Variants in TTC28 observed in about 807,000 individuals in gnomAD.
The protein encoded by TTC28 is tetratricopeptide repeat domain 28.
In TTC28, 61 loss-of-function variants were observed where a neutral mutation model predicts 198.0. The observed-to-expected ratio is 0.31, with a 90% confidence interval of 0.25 to 0.38. The LOEUF (loss-of-function observed/expected upper bound fraction) is 0.38, where lower values mean the gene tolerates loss of function less well. TTC28 is among the 10% of genes least tolerant of loss of function. The pLI, the probability that TTC28 is intolerant of heterozygous loss-of-function variation, is 1.00. For missense variants in TTC28, 2,678 were observed against 3,164.0 expected, an observed-to-expected ratio of 0.85 and a Z score of 3.69; for synonymous variants, 1,171 against 1,297.8, an observed-to-expected ratio of 0.90 and a Z score of 2.10.
intron 2 of TTC28, among the ~76,000 whole-genome samples, chr22:28,320,703 A>G (rs566265086): frequency 6.6e-6 from 1 of 152,324 alleles, no homozygotes; most frequent in Admixed American, 6.5e-5. Flanking sequence ...TTGATTCTAA[A>G]TGTACCAAAA....
intron 2 of TTC28, among the ~76,000 whole-genome samples, chr22:28,591,060 T>C (rs1405466489): frequency 3.3e-5 from 4 of 122,758 alleles, no homozygotes; most frequent in African/African-American, 1.4e-4. Flanking sequence ...TATATATATA[T>C]ATATATATAT....
intron 5 of TTC28, among the ~76,000 whole-genome samples, chr22:28,263,445 GC>G (rs1230409625): frequency 6.6e-6 from 1 of 151,814 alleles, no homozygotes; most frequent in Non-Finnish European, 1.5e-5. Flanking sequence ...GGAATAGCAG[GC>G]AAAAAAAATT....
intron 5 of TTC28, among the ~76,000 whole-genome samples, chr22:28,193,287 C>G (rs555145686): frequency 6.6e-6 from 1 of 152,112 alleles, no homozygotes; most frequent in African/African-American, 2.4e-5. Flanking sequence ...CTGAAGGAAG[C>G]ACTAAACATG....
intron 2 of TTC28, among the ~76,000 whole-genome samples, chr22:28,447,279 T>C (rs2047717082): frequency 6.6e-6 from 1 of 152,062 alleles, no homozygotes; most frequent in South Asian, 2.1e-4. Context: ...ATTGTAAACC[T>C]AAAGATACAT....
intron 2 of TTC28, among the ~76,000 whole-genome samples, chr22:28,497,561 T>G (rs1403567252): frequency 6.6e-6 from 1 of 152,198 alleles, no homozygotes; most frequent in Non-Finnish European, 1.5e-5. Flanking sequence ...GTCTCAGGTA[T>G]CTAGATTTGT....
In TTC28 at chr22:28,346,458, T is replaced by C. The variant is rs572931517; in HGVS notation, c.382-39815A>G. ...GGAAAATTCCGAAAGCTAAGACAGG[T>C]GACACCAGCTCCAAACTCTCACTAG... is the stretch of plus-strand genomic sequence containing the variant. On this transcript the variant is annotated intron_variant, in intron 2 of 22. Coordinates refer to ENST00000397906, the MANE Select transcript of TTC28 (RefSeq NM_001145418.2). 8.5e-5 allele frequency among the ~76,000 whole-genome samples: 13 copies of C among 152,230 alleles called. No individual in the cohort carries two copies. In the South Asian group the frequency reaches 2.5e-3, roughly 29 times the overall value.
At chr22:28,631,995 A>T (rs1049152056) in intron 1 of TTC28, among the ~76,000 whole-genome samples, 7 of 152,194 alleles carry the variant, frequency 4.6e-5, no homozygotes, top group Non-Finnish European at 8.8e-5. Flanking sequence ...GATCAAGTCC[A>T]GTACCTCCAT....
intron 1 of TTC28, among the ~76,000 whole-genome samples, chr22:28,650,010 A>G (rs1467188674): frequency 1.3e-5 from 2 of 152,194 alleles, no homozygotes; most frequent in African/African-American, 2.4e-5. Context: ...CAAAACCACT[A>G]AAGGACCCTG....
intron 18 of TTC28, 159 bp downstream of exon 18, chr22:27,993,128 G>A: frequency 1.5e-6 from 1 of 661,862 alleles, no homozygotes; most frequent in Non-Finnish European, 2.5e-6. Context: ...CTCCAGGTGT[G>A]GAGATGCTTG....
chr22:28,340,635 T>C (rs1466046208), intron 2 of TTC28, among the ~76,000 whole-genome samples: 2 of 152,200 alleles, frequency 1.3e-5, no homozygotes, highest in Non-Finnish European at 2.9e-5. Flanking sequence ...AATGAACTTA[T>C]TGCCAAATGG....
chr22:28,024,309 C>A (rs896896777), intron 13 of TTC28, among the ~76,000 whole-genome samples: 4 of 152,162 alleles, frequency 2.6e-5, no homozygotes, highest in Non-Finnish European at 4.4e-5. Flanking sequence ...TGAGACAGTG[C>A]CTCAGGGGAA....
In TTC28 at chr22:27,999,228, G is replaced by T; in HGVS notation, c.4431C>A (p.Ser1477=). The T allele has an allele frequency of 1.3e-6, 2 of 1,550,904 alleles. No homozygotes were observed. The highest frequency in any genetic ancestry group is 1.7e-6 in the Non-Finnish European group (2 of 1,146,868). Residue 1477 remains serine, a synonymous_variant, in exon 16 of 23, where the codon TCC becomes TCA. Coordinates refer to ENST00000397906, the MANE Select transcript of TTC28 (RefSeq NM_001145418.2). ...SHLRKNPPTY[S]SSTSMAAVIG... is the part of the protein sequence containing the mutation. ...TGACAGCCGCCATGGATGTGGAGCT[G>T]GAGTATGTGGGCGGGTTCTTCCGTA... is the stretch of plus-strand genomic sequence containing the variant.
chr22:28,058,864 CT>C (rs2146729141), intron 12 of TTC28, among the ~76,000 whole-genome samples: 1 of 151,886 alleles, frequency 6.6e-6, no homozygotes, highest in South Asian at 2.1e-4. Context: ...TTCATTTCAT[CT>C]TAGTTGTCAA....
At chr22:28,062,395 G>A (rs531211791) in intron 12 of TTC28, among the ~76,000 whole-genome samples, 1 of 144,668 alleles carries the variant, frequency 6.9e-6, no homozygotes, top group Non-Finnish European at 1.5e-5. Context: ...TGTGCCCTGT[G>A]GATTGTTTTT....
chr22:28,072,818 C>A (rs1941042935), intron 12 of TTC28, among the ~76,000 whole-genome samples: 1 of 152,190 alleles, frequency 6.6e-6, no homozygotes, highest in Non-Finnish European at 1.5e-5. Flanking sequence ...GGGTTTACAC[C>A]AGGAGATAGA....
intron 5 of TTC28, among the ~76,000 whole-genome samples, chr22:28,257,739 C>CAT (rs66590909): frequency 0.025 from 2,361 of 95,344 alleles, 43 homozygotes; most frequent in Non-Finnish European, 0.03. Flanking sequence ...GGTAATAGAA[C>CAT]ATATATATAT....
intron 6 of TTC28, among the ~76,000 whole-genome samples, chr22:28,139,057 G>A (rs568037287): frequency 2.0e-5 from 3 of 151,190 alleles, no homozygotes; most frequent in African/African-American, 7.3e-5. Context: ...GATTTTGGGG[G>A]TTGGGGAGAG....
intron 5 of TTC28, among the ~76,000 whole-genome samples, chr22:28,241,090 C>G (rs1031878609): frequency 2.0e-5 from 3 of 152,040 alleles, no homozygotes; most frequent in African/African-American, 7.2e-5. Flanking sequence ...AGTAACTTCA[C>G]GATAGAGAAA....
Position 28,105,451 on chromosome 22 carries a change from C to T in TTC28, c.3135G>A (p.Leu1045=), listed in dbSNP as rs1167504344. ...CQGRAYGNLG[L]TYESLGTFER... ...CGAAGGTGCCCAGGGATTCATAAGT[C>T]AGGCCCAGGTTCCCATAGGCTCGGC... The change falls in exon 8 of 23, where the codon CTG becomes CTA. Residue 1045 remains leucine, a synonymous_variant. Transcript: ENST00000397906. 1 of 1,551,698 alleles carries T rather than the reference C, an allele frequency of 6.4e-7. No individual in the cohort carries two copies. Among genetic ancestry groups the T allele is most frequent in the Non-Finnish European group, 8.7e-7 (1 of 1,146,986 alleles).
Sources: allele counts gnomAD v4.1 joint callset (sites outside exome capture counted in the v4.1 genomes callset), GRCh38; gene constraint gnomAD v4.1.1; transcripts MANE v1.5; gene names NCBI Gene and HGNC (gene_info 2026-07-23, HGNC 2026-07-21).